ACAD10: variants seen among roughly 807,000 people sequenced by gnomAD.
The protein encoded by ACAD10 is ACAD-10.
A neutral mutation model predicts 116.8 loss-of-function variants in ACAD10; 112 were observed. That is an observed-to-expected ratio of 0.96 (90% confidence interval 0.82 to 1.12). ACAD10 has a LOEUF of 1.12. ACAD10 is among the 50% of genes most tolerant of loss of function. The probability of loss-of-function intolerance (pLI) is 0.00; values close to 1 mark genes in which losing one functional copy is unlikely to be tolerated. For synonymous variants in ACAD10, 486 were observed against 510.6 expected (o/e 0.95, Z 0.65); for missense variants, 1,259 against 1,350.2 (o/e 0.93, Z 1.06).
chr12:111,708,603 G>A (rs1313827564), intron 4 of ACAD10, among the ~76,000 whole-genome samples: 1 of 152,054 alleles, frequency 6.6e-6, no homozygotes, highest in African/African-American at 2.4e-5. Flanking sequence ...GTAGAGAGAG[G>A]GGCCACTGGG....
At chr12:111,730,466 C>T (rs148886623) in intron 10 of ACAD10, among the ~76,000 whole-genome samples, 1 of 151,572 alleles carries the variant, frequency 6.6e-6, no homozygotes, top group Non-Finnish European at 1.5e-5. Context: ...GTGACAGGGT[C>T]TCTGGGGGTA....
intron 2 of ACAD10, among the ~76,000 whole-genome samples, chr12:111,699,888 C>A (rs1888300315): frequency 6.6e-6 from 1 of 152,072 alleles, no homozygotes; most frequent in Non-Finnish European, 1.5e-5. Flanking sequence ...CCACAGCTCC[C>A]CAGCCTGGGC....
intron 8 of ACAD10, 76 bp downstream of exon 8, chr12:111,721,815 A>G (rs921926608): frequency 1.4e-5 from 18 of 1,310,584 alleles, no homozygotes; most frequent in Admixed American, 7.0e-5. Context: ...ACAAATTCCA[A>G]TTTGTTAAAG....
intron 7 of ACAD10, among the ~76,000 whole-genome samples, chr12:111,720,895 T>C (rs549995723): frequency 6.6e-6 from 1 of 152,108 alleles, no homozygotes; most frequent in South Asian, 2.1e-4. Context: ...GTGATTCTCA[T>C]GCTTCAGCCA....
chr12:111,744,057 T>C (rs1004158440), intron 12 of ACAD10, among the ~76,000 whole-genome samples: 7 of 152,138 alleles, frequency 4.6e-5, no homozygotes, highest in Admixed American at 3.9e-4. Flanking sequence ...CACCTTAATT[T>C]TTTTTAATGG....
intron 2 of ACAD10, 34 bp from the exon 3 acceptor site, chr12:111,702,128 T>C (rs371483575): frequency 2.2e-5 from 35 of 1,604,036 alleles, no homozygotes; most frequent in Non-Finnish European, 1.3e-5. Flanking sequence ...CATGTATCAA[T>C]GTATTCCACT....
At chr12:111,699,862 G>A (rs999456045) in intron 2 of ACAD10, among the ~76,000 whole-genome samples, 2 of 152,198 alleles carry the variant, frequency 1.3e-5, no homozygotes, top group African/African-American at 4.8e-5. Flanking sequence ...TGAGGCTGCA[G>A]TGGGCCATGA....
At chr12:111,721,848 G>A in intron 8 of ACAD10, 109 bp downstream of exon 8, 1 of 897,508 alleles carries the variant, frequency 1.1e-6, no homozygotes, top group Non-Finnish European at 1.6e-6. Context: ...TGGGTAGGAG[G>A]GAAAAGAAAC....
chr12:111,710,249 G>A (rs1412577734), intron 5 of ACAD10: 4 of 451,798 alleles, frequency 8.9e-6, no homozygotes, highest in Middle Eastern at 4.9e-4. Context: ...CACCACACCC[G>A]ACTAATTTTT....
chr12:111,717,017 A>C (rs934058983), intron 7 of ACAD10, among the ~76,000 whole-genome samples: 16 of 152,210 alleles, frequency 1.1e-4, no homozygotes, highest in Non-Finnish European at 7.3e-5. Context: ...GCACTAAAAT[A>C]AATGCTTCGA....
intron 12 of ACAD10, among the ~76,000 whole-genome samples, chr12:111,738,437 A>G (rs1165457129): frequency 7.4e-5 from 10 of 135,300 alleles, no homozygotes; most frequent in Admixed American, 7.1e-4. Flanking sequence ...CAAGAATGAG[A>G]CTCTGTCTCA....
At chr12:111,746,904 A>T (rs957889064) in intron 14 of ACAD10, 145 bp from the exon 15 acceptor site, 1 of 1,076,290 alleles carries the variant, frequency 9.3e-7, no homozygotes, top group Non-Finnish European at 1.3e-6. Context: ...AAGCTGAGGC[A>T]TGGGAGGATG....
At chr12:111,697,484 C>G (rs1007781322) in intron 2 of ACAD10, among the ~76,000 whole-genome samples, 1 of 151,044 alleles carries the variant, frequency 6.6e-6, no homozygotes. Flanking sequence ...CCTCAGCCTC[C>G]CAAGTAGCTG....
At position 111,749,223 on chromosome 12, in the gene ACAD10, A is replaced by G. The variant is rs775717968; in HGVS notation, c.2695A>G (p.Met899Val). 8.1e-6 allele frequency: 13 copies of G among 1,613,974 alleles called. No individual in the cohort carries two copies. The highest frequency in any genetic ancestry group is 4.0e-5 in the African/African-American group (3 of 74,936). Residue 899 changes from methionine (M) to valine (V), a missense_variant, in exon 18 of 21, where the codon ATG (methionine) becomes GTG (valine). Coordinates refer to ENST00000313698, the MANE Select transcript of ACAD10 (RefSeq NM_025247.6). ...GCACGTGCGTGTGCCCAAAGAGAAC[A>G]TGGTCCTGGGCCCTGGCCGAGGCTT... is the stretch of plus-strand genomic sequence containing the variant. ...FEHVRVPKEN[M>V]VLGPGRGFEI...
intron 1 of ACAD10, chr12:111,690,438 T>C (rs931967792): frequency 6.6e-6 from 1 of 152,064 alleles, no homozygotes; most frequent in Non-Finnish European, 1.5e-5. Flanking sequence ...GTTTTGGATT[T>C]TGGATCATTT....
intron 7 of ACAD10, among the ~76,000 whole-genome samples, chr12:111,720,366 A>G (rs906000785): frequency 2.0e-5 from 3 of 152,208 alleles, no homozygotes; most frequent in Non-Finnish European, 4.4e-5. Flanking sequence ...TAATTCTATC[A>G]TTACTGAGAA....
chr12:111,747,400 A>G lies in ACAD10; in HGVS notation c.2485+15A>G. The G allele has an allele frequency of 6.2e-7, 1 of 1,613,870 alleles. No homozygotes were observed. The highest frequency in any genetic ancestry group is 1.6e-4 in the Middle Eastern group (1 of 6,062). Reference sequence around the variant, plus strand: ...GTGGATCACAGGTATTTGGCCTAAAATGCACTTTCCAAATGCACATCAGGG... The same window carrying G: ...GTGGATCACAGGTATTTGGCCTAAAGTGCACTTTCCAAATGCACATCAGGG... On this transcript the variant is annotated intron_variant, in intron 16 of 20. Coordinates refer to ENST00000313698, the MANE Select transcript of ACAD10 (RefSeq NM_025247.6).
chr12:111,700,960 T>C (rs186174541), intron 2 of ACAD10, among the ~76,000 whole-genome samples: 93 of 152,116 alleles, frequency 6.1e-4, no homozygotes, highest in Middle Eastern at 3.4e-3. Flanking sequence ...GGTTTAATCA[T>C]GTGGCCCAGG....
At chr12:111,751,209 C>G (rs1566169965) in intron 18 of ACAD10, among the ~76,000 whole-genome samples, 1 of 152,138 alleles carries the variant, frequency 6.6e-6, no homozygotes, top group Non-Finnish European at 1.5e-5. Flanking sequence ...CTAACAATGA[C>G]TGTTGGCCAA....
Sources: allele counts gnomAD v4.1 joint callset (sites outside exome capture counted in the v4.1 genomes callset), GRCh38; gene constraint gnomAD v4.1.1; transcripts MANE v1.5; gene names NCBI Gene and HGNC (gene_info 2026-07-23, HGNC 2026-07-21).